Variants in NT5DC1 observed in about 807,000 individuals in gnomAD.
NT5DC1 encodes 5'-nucleotidase domain containing 1.
In NT5DC1, 42 loss-of-function variants were observed where a neutral mutation model predicts 59.4. That is an observed-to-expected ratio of 0.71 (90% CI 0.55 to 0.92). The LOEUF is 0.92. NT5DC1 is among the 40% of genes least tolerant of loss of function. The probability of loss-of-function intolerance (pLI) is 0.00; values close to 1 mark genes in which losing one functional copy is unlikely to be tolerated. For missense variants in NT5DC1, 501 were observed against 537.1 expected (o/e 0.93, Z 0.66); for synonymous variants, 172 against 188.1 (o/e 0.91, Z 0.70).
At chr6:116,167,314 G>A (rs1442499683) in intron 6 of NT5DC1, among the ~76,000 whole-genome samples, 1 of 145,400 alleles carries the variant, frequency 6.9e-6, no homozygotes, top group Non-Finnish European at 1.5e-5. Context: ...CCAGGTTCCA[G>A]CGATTCTCCT....
rs1014292920 is a variant in NT5DC1, at chr6:116,108,489, T to G, written c.257+54T>G. On this transcript the variant is annotated intron_variant, in intron 3 of 11. Transcript: ENST00000319550. Reference sequence around the variant, plus strand: ...CTTTACCTTCTCTGAGACACTTTATTACTGAGTGGCATATGACCCTTACAG... The same window carrying G: ...CTTTACCTTCTCTGAGACACTTTATGACTGAGTGGCATATGACCCTTACAG... The G allele has an allele frequency of 4.1e-6, 4 of 980,372 alleles. No individual in the cohort carries two copies. In the African/African-American group the frequency reaches 6.4e-5, roughly 16 times the overall value. 60.7% of individuals were successfully genotyped at this position (980,372 alleles called of 1,614,324 possible). A position where few individuals can be genotyped will look rare whatever the true frequency, so the allele number is the denominator to read the frequency against.
intron 8 of NT5DC1, among the ~76,000 whole-genome samples, chr6:116,236,158 G>GA (rs1193313478): frequency 5.3e-5 from 8 of 152,072 alleles, no homozygotes; most frequent in Admixed American, 3.3e-4. Context: ...GTTGATGTGA[G>GA]AAAAAAGAGG....
At chr6:116,181,534 C>T (rs1780872792) in intron 6 of NT5DC1, among the ~76,000 whole-genome samples, 1 of 152,018 alleles carries the variant, frequency 6.6e-6, no homozygotes. Context: ...ATCTCCAAAG[C>T]TTCACACTCT....
At chr6:116,220,547 A>G (rs1781777870) in intron 6 of NT5DC1, among the ~76,000 whole-genome samples, 1 of 152,220 alleles carries the variant, frequency 6.6e-6, no homozygotes. Flanking sequence ...AGGCTATAGA[A>G]TGGCTCCCCT....
chr6:116,157,025 G>A lies in NT5DC1; in HGVS notation c.529+39080G>A, dbSNP rs114624128. 2.1e-3 allele frequency among the ~76,000 whole-genome samples: 323 copies of A among 152,210 alleles called. 1 individual carries two copies. The highest frequency in any genetic ancestry group is 7.3e-3 in the African/African-American group (305 of 41,518). ...TATTTTTTTCTCTTTGCCTAAGTGC[G>A]TTCACTTCATAGCACTGCCTCCCTT... is the stretch of plus-strand genomic sequence containing the variant. On this transcript the variant is annotated intron_variant, in intron 6 of 11. Coordinates refer to ENST00000319550, the MANE Select transcript of NT5DC1 (RefSeq NM_152729.3).
chr6:116,195,506 G>C (rs1781204304), intron 6 of NT5DC1, among the ~76,000 whole-genome samples: 1 of 151,922 alleles, frequency 6.6e-6, no homozygotes, highest in African/African-American at 2.4e-5. Context: ...TTTAAGAATA[G>C]TTCAATACAG....
chr6:116,186,623 C>T (rs1181743909), intron 6 of NT5DC1, among the ~76,000 whole-genome samples: 1 of 151,934 alleles, frequency 6.6e-6, no homozygotes, highest in African/African-American at 2.4e-5. Context: ...ATTTGAAAGC[C>T]TTGTCTTCGA....
chr6:116,170,258 T>C (rs1322949993), intron 6 of NT5DC1, among the ~76,000 whole-genome samples: 1 of 152,072 alleles, frequency 6.6e-6, no homozygotes, highest in Admixed American at 6.6e-5. Flanking sequence ...CCACCAGTGA[T>C]TGGGGGGTGT....
chr6:116,183,691 G>A (rs567447108), intron 6 of NT5DC1, among the ~76,000 whole-genome samples: 1 of 151,038 alleles, frequency 6.6e-6, no homozygotes, highest in East Asian at 2.0e-4. Context: ...TTCTTAATTT[G>A]TTCTCAGCTT....
chr6:116,233,178 C>T (rs567519708), intron 8 of NT5DC1, among the ~76,000 whole-genome samples: 2 of 152,214 alleles, frequency 1.3e-5, no homozygotes, highest in East Asian at 3.9e-4. Context: ...ATACATTTTA[C>T]CTAACTGTTA....
intron 6 of NT5DC1, among the ~76,000 whole-genome samples, chr6:116,144,714 A>G (rs1198261945): frequency 1.3e-5 from 2 of 152,234 alleles, no homozygotes; most frequent in Non-Finnish European, 2.9e-5. Flanking sequence ...ACTTCACACC[A>G]GTAACATGTT....
chr6:116,124,387 T>C (rs1304099365), intron 6 of NT5DC1, among the ~76,000 whole-genome samples: 2 of 152,168 alleles, frequency 1.3e-5, no homozygotes, highest in Admixed American at 6.5e-5. Flanking sequence ...TAAATAAAAT[T>C]AGTGAATATG....
At chr6:116,215,626 T>G (rs1280324280) in intron 6 of NT5DC1, among the ~76,000 whole-genome samples, 1 of 152,112 alleles carries the variant, frequency 6.6e-6, no homozygotes, top group African/African-American at 2.4e-5. Flanking sequence ...TTCAAAAACC[T>G]CTCTCCACAT....
chr6:116,112,519 T>C (rs918800739), intron 4 of NT5DC1, among the ~76,000 whole-genome samples: 3 of 152,234 alleles, frequency 2.0e-5, no homozygotes, highest in African/African-American at 4.8e-5. Context: ...AAAGGAATTA[T>C]GTATTTACCT....
At chr6:116,172,393 C>G (rs1780630716) in intron 6 of NT5DC1, among the ~76,000 whole-genome samples, 1 of 142,592 alleles carries the variant, frequency 7.0e-6, no homozygotes, top group Non-Finnish European at 1.5e-5. Context: ...ACAATCTTGG[C>G]TCGCTGCAAC....
chr6:116,178,078 TGTGTGTGTGTGCGCGCGC>T (rs1236768537), intron 6 of NT5DC1, among the ~76,000 whole-genome samples: 1 of 111,264 alleles, frequency 9.0e-6, no homozygotes, highest in African/African-American at 4.2e-5. Context: ...TGTGTGTGTG[TGTGTGTGTGTGCGCGCGC>T]GCGCGCGTGC....
chr6:116,248,412 T>C lies in NT5DC1; in HGVS notation c.*4388T>C, dbSNP rs531379595. The C allele has an allele frequency of 6.6e-6, 1 of 152,364 alleles. No individual in the cohort carries two copies. The highest frequency in any genetic ancestry group is 2.4e-5 in the African/African-American group (1 of 41,594). 9.4% of individuals were successfully genotyped at this position (152,364 alleles called of 1,614,324 possible). A position where few individuals can be genotyped will look rare whatever the true frequency, so the allele number is the denominator to read the frequency against. On this transcript the variant is annotated 3_prime_UTR_variant, in exon 12 of 12. Transcript: ENST00000319550. ...ATATCCATGTCTTAAATTGTGATTCTCTAGGACAGGGACTCAGTAATTAAA... is the reference window on the plus strand; with the variant it reads ...ATATCCATGTCTTAAATTGTGATTCCCTAGGACAGGGACTCAGTAATTAAA...
At chr6:116,105,087 A>T (rs1050403574) in intron 1 of NT5DC1, among the ~76,000 whole-genome samples, 1 of 152,194 alleles carries the variant, frequency 6.6e-6, no homozygotes, top group Non-Finnish European at 1.5e-5. Context: ...ATGGAAGTAC[A>T]TGTGTAGTGA....
At chr6:116,175,708 C>T (rs1780719745) in intron 6 of NT5DC1, among the ~76,000 whole-genome samples, 1 of 152,152 alleles carries the variant, frequency 6.6e-6, no homozygotes, top group African/African-American at 2.4e-5. Context: ...AGCTGATGAA[C>T]ACACCAAAGT....
Sources: allele counts gnomAD v4.1 joint callset (sites outside exome capture counted in the v4.1 genomes callset), GRCh38; gene constraint gnomAD v4.1.1; transcripts MANE v1.5; gene names NCBI Gene and HGNC (gene_info 2026-07-23, HGNC 2026-07-21).